SLC41A3: variants seen among roughly 807,000 people sequenced by gnomAD.
SLC41A3 encodes SLC41A1-like 2.
Under a neutral mutation model 45.4 loss-of-function variants are expected in SLC41A3, and 44 were observed. That is an observed-to-expected ratio of 0.97 (90% CI 0.76 to 1.25). The LOEUF is 1.25. SLC41A3 is among the 50% of genes most tolerant of loss of function. The pLI, the probability that SLC41A3 is intolerant of heterozygous loss-of-function variation, is 0.00. For missense variants in SLC41A3, 550 were observed against 600.6 expected (o/e 0.92, Z 0.88); for synonymous variants, 256 against 252.4 (o/e 1.01, Z -0.13).
At chr3:126,064,042 C>G (rs1267585073) in intron 2 of SLC41A3, among the ~76,000 whole-genome samples, 1 of 151,578 alleles carries the variant, frequency 6.6e-6, no homozygotes, top group African/African-American at 2.4e-5. Context: ...ACTCTCCCTC[C>G]TGGCCAAGGG....
chr3:126,086,408 GTTTTTTTTTTT>G (rs57316346), upstream of SLC41A3, among the ~76,000 whole-genome samples: 3 of 21,184 alleles, frequency 1.4e-4, no homozygotes, highest in Non-Finnish European at 2.2e-4. Context: ...TTGTTTTCTT[GTTTTTTTTTTT>G]TTTTTTTTTT....
chr3:126,026,675 C>T lies in SLC41A3; in HGVS notation c.454-196G>A, dbSNP rs1941383194. ...CACACCTGCCTTGAACTCAACTCCT[C>T]CGAAACCACGCTGGCCACCTCTGCT... On this transcript the variant is annotated intron_variant, in intron 4 of 10. Coordinates refer to ENST00000360370, the MANE Select transcript of SLC41A3 (RefSeq NM_017836.4). This position sits in a 1 kb window ranked among gnomAD's most constrained non-coding sequence, Gnocchi z 4.2. Among the ~76,000 whole-genome samples the T allele has an allele frequency of 6.6e-6, 1 of 152,204 alleles. No homozygotes were observed. Among genetic ancestry groups the T allele is most frequent in the African/African-American group, 2.4e-5 (1 of 41,446 alleles).
At chr3:126,049,199 G>A (rs115626636) in intron 3 of SLC41A3, among the ~76,000 whole-genome samples, 1 of 151,562 alleles carries the variant, frequency 6.6e-6, no homozygotes, top group African/African-American at 2.4e-5. Context: ...TTAAAATGTA[G>A]TTACGGGCTG....
chr3:126,024,382 A>G (rs993002815), intron 5 of SLC41A3: 4 of 152,190 alleles, frequency 2.6e-5, no homozygotes, highest in Admixed American at 1.3e-4. Context: ...TCTTCTCTGG[A>G]AAGTCTGGCA....
chr3:126,087,857 T>C (rs1023208882), upstream of SLC41A3, among the ~76,000 whole-genome samples: 3 of 152,104 alleles, frequency 2.0e-5, no homozygotes, highest in African/African-American at 7.2e-5. Context: ...GTAGTCTTTC[T>C]AGAGATGGGT....
intron 2 of SLC41A3, among the ~76,000 whole-genome samples, chr3:126,060,620 T>C (rs1212746825): frequency 6.6e-6 from 1 of 152,204 alleles, no homozygotes; most frequent in Non-Finnish European, 1.5e-5. Context: ...AAGCAAATAA[T>C]GTAACTATAT....
rs761444444 is a variant in SLC41A3, at chr3:126,007,101, A to G, written c.1379T>C (p.Leu460Pro). 2.5e-6 allele frequency: 4 copies of G among 1,614,238 alleles called. No homozygotes were observed. The Admixed American group carries it at 5.0e-5, about 20-fold the overall frequency. The change falls in exon 11 of 11, where the codon CTG (leucine) becomes CCG (proline). Residue 460 changes from leucine (L) to proline (P), a missense_variant. Leu to Pro is a moderately conservative substitution (Grantham distance 98). Transcript: ENST00000360370. ...CCAGTCAGTGAAAAAGCAGAGTGCC[A>G]GGAGGCCAGTACCGAGCAGGTCCCC... ...GLGDLLGTGLLALCFFTDWLL... is the reference protein window; with the variant it reads ...GLGDLLGTGLPALCFFTDWLL...
intron 9 of SLC41A3, among the ~76,000 whole-genome samples, chr3:126,011,388 T>C (rs1939695567): frequency 1.3e-5 from 2 of 152,006 alleles, no homozygotes; most frequent in African/African-American, 4.8e-5. Context: ...AAAAAAGTGA[T>C]AGAAATGAGC....
At chr3:126,043,288 G>T (rs6438960) in intron 3 of SLC41A3, among the ~76,000 whole-genome samples, 1 of 151,840 alleles carries the variant, frequency 6.6e-6, no homozygotes, top group Non-Finnish European at 1.5e-5. Flanking sequence ...TGAGAATTCT[G>T]TATCTGGCAA....
rs57029085 is a variant in SLC41A3, at chr3:126,068,010, G to A, written c.210C>T (p.Thr70=). ...ETTWSIGLQV[T]VPFMFAGLGL... Reference sequence around the variant, plus strand: ...CCAGGCCTGCAAACATGAAGGGCACGGTCACCTGAAGGCCTATGGACCAGG... The same window carrying A: ...CCAGGCCTGCAAACATGAAGGGCACAGTCACCTGAAGGCCTATGGACCAGG... The change falls in exon 2 of 11, where the codon ACC becomes ACT. Residue 70 remains threonine (T), a synonymous_variant. Coordinates refer to ENST00000360370, the MANE Select transcript of SLC41A3 (RefSeq NM_017836.4). The A allele has an allele frequency of 2.4e-3, 3,824 of 1,613,832 alleles. 67 individuals are homozygous for A. In the African/African-American group the frequency reaches 0.04, roughly 17 times the overall value.
chr3:126,027,372 G>A (rs1046837537), intron 4 of SLC41A3, among the ~76,000 whole-genome samples: 2 of 151,734 alleles, frequency 1.3e-5, no homozygotes, highest in Non-Finnish European at 2.9e-5. Flanking sequence ...TTGGCTGTGT[G>A]AAGTGCTACT....
chr3:126,074,435 C>A (rs1257975096), intron 1 of SLC41A3, among the ~76,000 whole-genome samples: 1 of 151,884 alleles, frequency 6.6e-6, no homozygotes, highest in Non-Finnish European at 1.5e-5. Flanking sequence ...GAGGTTCTAG[C>A]CAGCACAATT....
intron 2 of SLC41A3, among the ~76,000 whole-genome samples, chr3:126,051,317 A>C (rs543884441): frequency 2.0e-5 from 3 of 152,390 alleles, no homozygotes; most frequent in African/African-American, 7.2e-5. Flanking sequence ...GCCATGCTGC[A>C]TGTGCTCTGC....
At chr3:126,022,704 A>T in intron 6 of SLC41A3, 82 bp downstream of exon 6, 1 of 1,526,708 alleles carries the variant, frequency 6.6e-7, no homozygotes, top group Non-Finnish European at 9.0e-7. Flanking sequence ...GTGCAAAAGT[A>T]CCCACTCAGC....
At chr3:126,078,142 A>C (rs1229649606) in intron 1 of SLC41A3, among the ~76,000 whole-genome samples, 1 of 152,022 alleles carries the variant, frequency 6.6e-6, no homozygotes, top group Non-Finnish European at 1.5e-5. Flanking sequence ...CCCCACTCCC[A>C]CAGGCAGGAA....
At chr3:126,071,396 C>T (rs1315283587) in intron 1 of SLC41A3, among the ~76,000 whole-genome samples, 1 of 151,952 alleles carries the variant, frequency 6.6e-6, no homozygotes, top group African/African-American at 2.4e-5. Flanking sequence ...CAACAAAGCC[C>T]CCAAATACAT....
upstream of SLC41A3, among the ~76,000 whole-genome samples, chr3:126,086,905 A>AATACTTGATC (rs1227519218): frequency 8.5e-5 from 13 of 152,322 alleles, no homozygotes; most frequent in African/African-American, 3.1e-4. Flanking sequence ...AGTAAAAATA[A>AATACTTGATC]AAGCACTTAA....
At chr3:126,013,166 A>G (rs1347838183) in intron 8 of SLC41A3, among the ~76,000 whole-genome samples, 1 of 152,146 alleles carries the variant, frequency 6.6e-6, no homozygotes, top group Non-Finnish European at 1.5e-5. Flanking sequence ...AGGCATTGAC[A>G]GGAAACAGAC....
rs546585480 is a variant in SLC41A3 at position 126,026,287 on chromosome 3, C to G, written c.598+48G>C. ...CACAATGAGCTCTGAGGTGGGACCT[C>G]AGAGGAGCAGGGAGCGGGTGGGGGC... On this transcript the variant is annotated intron_variant, in intron 5 of 10. Coordinates refer to ENST00000360370, the MANE Select transcript of SLC41A3 (RefSeq NM_017836.4). This position sits in a 1 kb window ranked among gnomAD's most constrained non-coding sequence, Gnocchi z 4.2. 4.4e-5 allele frequency: 68 copies of G among 1,549,284 alleles called. No individual in the cohort carries two copies. Among genetic ancestry groups the G allele is most frequent in the Middle Eastern group, 1.7e-4 (1 of 5,958 alleles).
Sources: allele counts gnomAD v4.1 joint callset (sites outside exome capture counted in the v4.1 genomes callset), GRCh38; gene constraint gnomAD v4.1.1; non-coding constraint Gnocchi (gnomAD v3.1); transcripts MANE v1.5; gene names NCBI Gene and HGNC (gene_info 2026-07-23, HGNC 2026-07-21).